The following FNTA variants were observed in gnomAD, a reference collection of about 807,000 sequenced individuals.
The protein encoded by FNTA is farnesyltransferase, CAAX box, subunit alpha.
FNTA carries 27 observed loss-of-function variants against 55.2 expected under a neutral mutation model. The observed-to-expected ratio is 0.49, with a 90% CI of 0.36 to 0.67. The LOEUF (loss-of-function observed/expected upper bound fraction) is 0.67. Among genes scored for constraint, FNTA ranks in the 30% least tolerant of loss-of-function variants. The probability of loss-of-function intolerance (pLI) is 0.00; values close to 1 mark genes in which losing one functional copy is unlikely to be tolerated. For missense variants in FNTA, 422 were observed against 464.7 expected (o/e 0.91, Z 0.85); for synonymous variants, 176 against 170.7 (o/e 1.03, Z -0.24).
At chr8:43,056,651 C>T in intron 1 of FNTA, 105 bp downstream of exon 1, 1 of 716,796 alleles carries the variant, frequency 1.4e-6, no homozygotes, top group Non-Finnish European at 1.9e-6. Flanking sequence ...GCCGAAGTTC[C>T]CGTGGCGCCG....
At chr8:43,078,150 A>G (rs1181582706) in intron 6 of FNTA, 1 of 152,160 alleles carries the variant, frequency 6.6e-6, no homozygotes, top group Non-Finnish European at 1.5e-5. Context: ...TGCTCTATAC[A>G]GGATTCTGGT....
At position 43,064,140 on chromosome 8, in the gene FNTA, G is replaced by C. The variant is rs368301964; in HGVS notation, c.326G>C (p.Arg109Pro). 1 of 1,613,896 alleles carries C rather than the reference G, an allele frequency of 6.2e-7. No homozygotes were observed. The highest frequency in any genetic ancestry group is 8.5e-7 in the Non-Finnish European group (1 of 1,179,904). ...VYDYFRAVLQ[R>P]DERSERAFKL... ...GATTACTTCCGAGCTGTCCTGCAGC[G>C]TGATGAAAGAAGTGAACGAGCTTTT... The change falls in exon 3 of 9, where the codon CGT becomes CCT. Residue 109 changes from arginine to proline, a missense_variant. This residue lies in a region of FNTA where 262 missense variants were observed against 343.1 expected (regional missense o/e 0.76). Coordinates refer to ENST00000302279, the MANE Select transcript of FNTA (RefSeq NM_002027.3).
intron 3 of FNTA, among the ~76,000 whole-genome samples, chr8:43,064,612 G>A (rs555176516): frequency 5.9e-5 from 9 of 152,166 alleles, no homozygotes; most frequent in African/African-American, 2.2e-4. Flanking sequence ...ACTGTGCCTG[G>A]CCTTTAATTT....
Position 43,056,415 on chromosome 8 carries a change from GC to G in FNTA, c.73del (p.Gln25SerfsTer32). 1 of 1,521,172 alleles carries G rather than the reference GC, an allele frequency of 6.6e-7. No individual in the cohort carries two copies. Among genetic ancestry groups the G allele is most frequent in the East Asian group, 2.6e-5 (1 of 37,924 alleles). The allele number at this position is 1,521,172 out of a possible 1,614,324, so 94.2% of individuals were successfully genotyped here. A position where few individuals can be genotyped will look rare whatever the true frequency, so the allele number is the denominator to read the frequency against. The part of the protein sequence containing the change: ...GEPGQPAQPP[P>X]QPHPPPPQQQ... ...AGCCCGGGCAGCCGGCGCAACCCCCGCCCCAGCCGCACCCACCGCCGCCCCA... is the reference window on the plus strand; with the variant it reads ...AGCCCGGGCAGCCGGCGCAACCCCCGCCCAGCCGCACCCACCGCCGCCCCA... On this transcript the variant is annotated frameshift_variant, in exon 1 of 9. Transcript: ENST00000302279. LOFTEE classifies it high-confidence loss of function.
At chr8:43,071,062 C>G (rs1586657582) in intron 4 of FNTA, among the ~76,000 whole-genome samples, 1 of 152,130 alleles carries the variant, frequency 6.6e-6, no homozygotes, top group East Asian at 1.9e-4. Flanking sequence ...TTTAATTTTC[C>G]AGGCATGTAG....
At chr8:43,080,728 T>C (rs1195446684) in intron 6 of FNTA, 1 of 152,256 alleles carries the variant, frequency 6.6e-6, no homozygotes. Flanking sequence ...TACGTACATG[T>C]GGCTAGTGAC....
intron 5 of FNTA, among the ~76,000 whole-genome samples, chr8:43,075,685 T>C (rs1027523860): frequency 6.6e-6 from 1 of 152,060 alleles, no homozygotes; most frequent in African/African-American, 2.4e-5. Flanking sequence ...TTATGTTGGC[T>C]CACACCTGTA....
chr8:43,074,988 T>G (rs903471708), intron 5 of FNTA, among the ~76,000 whole-genome samples: 1 of 152,204 alleles, frequency 6.6e-6, no homozygotes, highest in Admixed American at 6.5e-5. Flanking sequence ...TTTCTGGTTT[T>G]GGGATTGCAC....
intron 2 of FNTA, among the ~76,000 whole-genome samples, chr8:43,061,568 A>G (rs1361323944): frequency 6.6e-6 from 1 of 152,232 alleles, no homozygotes. Flanking sequence ...TTTTGGAGAA[A>G]TGGATAAAAT....
chr8:43,064,249 A>C (rs750077957), intron 3 of FNTA, 34 bp downstream of exon 3: 10 of 1,295,214 alleles, frequency 7.7e-6, no homozygotes, highest in Non-Finnish European at 1.0e-5. Flanking sequence ...TTCCCTGCTT[A>C]AATGTTTTAC....
chr8:43,072,362 A>G (rs1810812471), intron 5 of FNTA, 55 bp downstream of exon 5: 4 of 1,315,808 alleles, frequency 3.0e-6, no homozygotes, highest in Non-Finnish European at 4.1e-6. Context: ...TGAACTAAAT[A>G]AAATTACTCT....
At chr8:43,058,390 C>T (rs1212412246) in intron 1 of FNTA, among the ~76,000 whole-genome samples, 1 of 152,146 alleles carries the variant, frequency 6.6e-6, no homozygotes, top group Non-Finnish European at 1.5e-5. Context: ...ATGTCAATTC[C>T]TAGTATTTTG....
chr8:43,071,122 G>T (rs1390607174), intron 4 of FNTA, among the ~76,000 whole-genome samples: 3 of 151,874 alleles, frequency 2.0e-5, no homozygotes, highest in African/African-American at 7.3e-5. Context: ...CTATTGTTCT[G>T]CTCACTTTTA....
intron 2 of FNTA, chr8:43,063,328 G>C: frequency 2.2e-6 from 1 of 455,842 alleles, no homozygotes; most frequent in Non-Finnish European, 4.4e-6. Context: ...TGATCTGCCT[G>C]CCTCAGTCTT....
At chr8:43,064,037 T>TTATACCTATACA (rs1056728607) in intron 2 of FNTA, 64 bp from the exon 3 acceptor site, 12 of 944,564 alleles carry the variant, frequency 1.3e-5, no homozygotes, top group Non-Finnish European at 1.9e-5. Context: ...TATAGTGACA[T>TTATACCTATACA]TATACATTAT....
chr8:43,071,719 ACTC>A (rs1586657968), intron 4 of FNTA, among the ~76,000 whole-genome samples: 5 of 151,380 alleles, frequency 3.3e-5, no homozygotes, highest in Admixed American at 1.3e-4. Context: ...AAACAAAAAA[ACTC>A]CTCTGTTGAC....
In FNTA at chr8:43,062,676, T is replaced by G. The variant is rs1049217323; in HGVS notation, c.287-1425T>G. ...TTGTTCATATTCGTGTCTGATACTTTCAGTGTTACAGGCTAAAAGGAAAAA... is the reference window on the plus strand; with the variant it reads ...TTGTTCATATTCGTGTCTGATACTTGCAGTGTTACAGGCTAAAAGGAAAAA... On this transcript the variant is annotated intron_variant, in intron 2 of 8. Transcript: ENST00000302279. Among the ~76,000 whole-genome samples the G allele has an allele frequency of 2.0e-5, 3 of 152,240 alleles. No homozygotes were observed. In the South Asian group the frequency reaches 6.2e-4, roughly 32 times the overall value.
chr8:43,084,989 C>A, intron 8 of FNTA, 108 bp downstream of exon 8: 1 of 1,253,894 alleles, frequency 8.0e-7, no homozygotes, highest in Non-Finnish European at 1.1e-6. Context: ...GAATTCAGTG[C>A]AGGGCTATTT....
chr8:43,084,062 C>T (rs907650940), intron 7 of FNTA, among the ~76,000 whole-genome samples: 9 of 151,266 alleles, frequency 5.9e-5, no homozygotes, highest in Non-Finnish European at 1.3e-4. Flanking sequence ...ACAAGAGACC[C>T]TGTCTCAAAG....
Sources: gnomAD v4.1 joint callset for allele counts (sites outside exome capture counted in the v4.1 genomes callset) on GRCh38, gnomAD v4.1.1 for gene constraint, gnomAD v4.1.1 regional missense constraint, MANE v1.5 for transcripts, NCBI Gene and HGNC (gene_info 2026-07-23, HGNC 2026-07-21) for gene names.